Variants in GSTA1 observed in about 807,000 individuals in gnomAD.
The protein encoded by GSTA1 is glutathione S-transferase alpha 1.
GSTA1 carries 23 observed loss-of-function variants against 21.5 expected under a neutral mutation model. The ratio of observed to expected loss-of-function variants is 1.07; its 90% CI spans 0.77 to 1.52. GSTA1 has a LOEUF of 1.52. Ranked by LOEUF, GSTA1 falls within the 40% of genes most tolerant of loss-of-function variation. The pLI is 0.00. For synonymous variants in GSTA1, 125 were observed against 90.0 expected, an observed-to-expected ratio of 1.39 and a Z score of -2.20; for missense variants, 301 against 264.2, an observed-to-expected ratio of 1.14 and a Z score of -0.96.
intron 1 of GSTA1, among the ~76,000 whole-genome samples, chr6:52,803,238 A>G (rs1352115519): frequency 6.6e-6 from 1 of 152,120 alleles, no homozygotes; most frequent in East Asian, 1.9e-4. Flanking sequence ...TATCCTCTAT[A>G]TTGGCCATGA....
intron 2 of GSTA1, among the ~76,000 whole-genome samples, chr6:52,797,955 G>A (rs1280704648): frequency 6.6e-6 from 1 of 152,182 alleles, no homozygotes; most frequent in African/African-American, 2.4e-5. Context: ...TTATGGTGTT[G>A]TCATATCTTA....
chr6:52,802,688 C>T (rs1487076969), intron 1 of GSTA1, among the ~76,000 whole-genome samples: 11 of 152,066 alleles, frequency 7.2e-5, no homozygotes, highest in Non-Finnish European at 1.5e-5. Flanking sequence ...ATCTATCAAT[C>T]GTTCTATGTA....
chr6:52,794,454 G>C (rs934158197), intron 4 of GSTA1, among the ~76,000 whole-genome samples, 188 bp from the exon 5 acceptor site: 2 of 152,142 alleles, frequency 1.3e-5, no homozygotes, highest in Admixed American at 6.6e-5. Flanking sequence ...AACCTATCAA[G>C]GTAGATAGAT....
chr6:52,792,097 A>C (rs1035054272), intron 6 of GSTA1, 117 bp from the exon 7 acceptor site: 21 of 1,421,262 alleles, frequency 1.5e-5, no homozygotes, highest in East Asian at 6.9e-5. Context: ...CCATCAGCAC[A>C]AGCATGGAGG....
chr6:52,795,702 C>G (rs1331868362), intron 4 of GSTA1, among the ~76,000 whole-genome samples: 1 of 152,136 alleles, frequency 6.6e-6, no homozygotes, highest in African/African-American at 2.4e-5. Context: ...TAGCCCTGCT[C>G]AAGTATTCCA....
chr6:52,798,457 T>C (rs1763638377), intron 2 of GSTA1, among the ~76,000 whole-genome samples: 1 of 111,412 alleles, frequency 9.0e-6, no homozygotes, highest in Non-Finnish European at 1.8e-5. Flanking sequence ...CTCAAGTAAA[T>C]AATTGCTGTG....
chr6:52,799,203 A>G lies in GSTA1; in HGVS notation c.65T>C (p.Leu22Pro), dbSNP rs1002441091. The G allele has an allele frequency of 5.4e-5, 87 of 1,613,804 alleles. No individual in the cohort carries two copies. Among genetic ancestry groups the G allele is most frequent in the Non-Finnish European group, 7.2e-5 (85 of 1,179,886 alleles). ...ARGRMESTRW[L>P]LAAAGVEFEE... ...TACCTCTACTCCAGCTGCAGCCAGG[A>G]GCCACCGGGTGGACTCCATTCTGCC... The change falls in exon 2 of 7, where the codon CTC (leucine) becomes CCC (proline). Residue 22 changes from leucine to proline, a missense_variant. By Grantham distance (98) the Leu-to-Pro change is moderately conservative (BLOSUM62 -3). Coordinates refer to ENST00000334575, the MANE Select transcript of GSTA1 (RefSeq NM_145740.5).
intron 3 of GSTA1, among the ~76,000 whole-genome samples, chr6:52,796,521 G>A (rs1367165139): frequency 0.24 from 4,497 of 18,502 alleles, 780 homozygotes; most frequent in East Asian, 0.33. Context: ...GTGTGTGTGT[G>A]TGTGTGTGTA....
At chr6:52,792,121 C>T (rs1452669617) in intron 6 of GSTA1, 141 bp from the exon 7 acceptor site, 1 of 1,218,060 alleles carries the variant, frequency 8.2e-7, no homozygotes, top group Non-Finnish European at 1.1e-6. Context: ...AAACAGACAC[C>T]CAGTGAGAAA....
chr6:52,792,961 G>A lies in GSTA1; in HGVS notation c.441C>T (p.Tyr147=), dbSNP rs144319983. 215 of 1,613,976 alleles carry A rather than the reference G, an allele frequency of 1.3e-4. No individual in the cohort carries two copies. The highest frequency in any genetic ancestry group is 1.7e-4 in the Non-Finnish European group (199 of 1,179,988). The stretch of plus-strand genomic sequence containing the variant: ...CCCGGCTCAGCTTGTTGCCAACAAG[G>A]TAGTCTTGTCCATGGCTCTTTAAGA... ...EKVLKSHGQD[Y]LVGNKLSRAD... is the part of the protein sequence containing the mutation. The change falls in exon 6 of 7, where the codon TAC becomes TAT. Residue 147 remains tyrosine (Y), a synonymous_variant. Coordinates refer to ENST00000334575, the MANE Select transcript of GSTA1 (RefSeq NM_145740.5).
At chr6:52,792,758 A>T (rs1224962675) in intron 6 of GSTA1, 98 bp downstream of exon 6, 1 of 1,610,790 alleles carries the variant, frequency 6.2e-7, no homozygotes, top group Admixed American at 1.7e-5. Context: ...GAAGGCCTGG[A>T]GAAGACTGGG....
chr6:52,793,337 G>C (rs1356958339), intron 5 of GSTA1, among the ~76,000 whole-genome samples: 1 of 152,078 alleles, frequency 6.6e-6, no homozygotes, highest in Non-Finnish European at 1.5e-5. Flanking sequence ...TCACATTCAG[G>C]ATGTGGCTCT....
Position 52,791,491 on chromosome 6 carries a change from A to T in GSTA1, c.*367T>A, listed in dbSNP as rs1763452132. 6.6e-6 allele frequency among the ~76,000 whole-genome samples: 1 copy of T among 152,222 alleles called. No individual in the cohort carries two copies. On this transcript the variant is annotated 3_prime_UTR_variant, in exon 7 of 7. Transcript: ENST00000334575. ...ACTCTTCTCCTGTGCATACCTGAAA[A>T]TGTCAGAAGTGCATTTCTACATTGA...
intron 4 of GSTA1, among the ~76,000 whole-genome samples, chr6:52,795,722 C>T (rs566030632): frequency 6.6e-6 from 1 of 152,148 alleles, no homozygotes; most frequent in Non-Finnish European, 1.5e-5. Flanking sequence ...AGTTGATATA[C>T]TTGGTTGGTA....
At position 52,795,931 on chromosome 6, in the gene GSTA1, G is replaced by A. The variant is rs75210569; in HGVS notation, c.272+251C>T. On this transcript the variant is annotated intron_variant, in intron 4 of 6. Coordinates refer to ENST00000334575, the MANE Select transcript of GSTA1 (RefSeq NM_145740.5). The stretch of plus-strand genomic sequence containing the variant: ...ATCCTCCTCAGTTCATGGTTCATCC[G>A]TGTTTGGAAATTACCGTGAGGTGCT... 7.8e-3 allele frequency among the ~76,000 whole-genome samples: 1,190 copies of A among 152,190 alleles called. 28 individuals carry two copies. Among genetic ancestry groups the A allele is most frequent in the East Asian group, 0.072 (375 of 5,174 alleles).
rs1435335584 is a variant in GSTA1 at position 52,795,119 on chromosome 6, T to TTC, written c.273-854_273-853insGA. ...CTGTACCATTAGCAGTATTCTTTTT[T>TTC]CTCCAAGCCCCACTCCTTTAGCTCC... On this transcript the variant is annotated intron_variant, in intron 4 of 6. Coordinates refer to ENST00000334575, the MANE Select transcript of GSTA1 (RefSeq NM_145740.5). Among the ~76,000 whole-genome samples, 28 of 152,320 alleles carry TTC rather than the reference T, an allele frequency of 1.8e-4. No individual in the cohort carries two copies. In the East Asian group the frequency reaches 2.5e-3, roughly 14 times the overall value.
intron 2 of GSTA1, among the ~76,000 whole-genome samples, 166 bp from the exon 3 acceptor site, chr6:52,797,803 A>T (rs1392083341): frequency 6.6e-6 from 1 of 152,214 alleles, no homozygotes; most frequent in African/African-American, 2.4e-5. Flanking sequence ...GACCTAATTC[A>T]TTGAGAAAAG....
At chr6:52,800,314 T>C (rs1359747629) in intron 1 of GSTA1, among the ~76,000 whole-genome samples, 48 of 152,238 alleles carry the variant, frequency 3.2e-4, no homozygotes, top group Admixed American at 3.1e-3. Flanking sequence ...TCACTGCTGT[T>C]AAAAACCAAG....
chr6:52,800,616 G>C (rs9367497), intron 1 of GSTA1, among the ~76,000 whole-genome samples: 66,626 of 152,066 alleles, frequency 0.44, 17,082 homozygotes, highest in East Asian at 0.7. Context: ...ATCCCAGGCT[G>C]TTTGGGAGGT....
Sources: gnomAD v4.1 joint callset for allele counts (sites outside exome capture counted in the v4.1 genomes callset) on GRCh38, gnomAD v4.1.1 for gene constraint, MANE v1.5 for transcripts, NCBI Gene and HGNC (gene_info 2026-07-23, HGNC 2026-07-21) for gene names.